The following EGFL6 variants were observed in gnomAD, a reference collection of about 807,000 sequenced individuals.
The protein encoded by EGFL6 is epidermal growth factor-like protein 6.
A neutral mutation model predicts 43.1 loss-of-function variants in EGFL6; 42 were observed. The observed-to-expected ratio is 0.98, with a 90% confidence interval of 0.76 to 1.26. The LOEUF is 1.26. Ranked by LOEUF, EGFL6 falls within the 50% of genes most tolerant of loss-of-function variation. The pLI is 0.00. For synonymous variants in EGFL6, 164 were observed against 163.2 expected (o/e 1.01, Z -0.04); for missense variants, 429 against 427.8 (o/e 1.00, Z -0.02).
intron 2 of EGFL6, among the ~76,000 whole-genome samples, chrX:13,590,719 C>T (rs766952373): frequency 3.6e-5 from 4 of 112,077 alleles, no homozygotes; most frequent in African/African-American, 1.3e-4. Flanking sequence ...ACATTGATAT[C>T]GTTCCCACAT....
chrX:13,600,286 T>C (rs1189862983), intron 4 of EGFL6, among the ~76,000 whole-genome samples, 192 bp downstream of exon 4: 6 of 80,799 alleles, frequency 7.4e-5, no homozygotes, highest in Non-Finnish European at 9.7e-5. Context: ...TCTTCTTTTT[T>C]TTTTTTTTTT....
intron 1 of EGFL6, among the ~76,000 whole-genome samples, chrX:13,581,099 A>G (rs1477611171): frequency 1.8e-5 from 2 of 112,041 alleles, no homozygotes; most frequent in Admixed American, 1.9e-4. Context: ...GACACTCCCC[A>G]TCCCCAATCT....
At chrX:13,601,413 A>G (rs2045633410) in intron 4 of EGFL6, among the ~76,000 whole-genome samples, 1 of 111,643 alleles carries the variant, frequency 9.0e-6, no homozygotes, top group Admixed American at 9.5e-5. Context: ...GTTCCAGTTG[A>G]AAGGGAAACC....
chrX:13,577,448 T>C (rs2045480598), intron 1 of EGFL6, among the ~76,000 whole-genome samples: 1 of 104,819 alleles, frequency 9.5e-6, no homozygotes, highest in South Asian at 4.0e-4. Context: ...TGTATATATA[T>C]ACATATTATA....
At chrX:13,588,318 T>C (rs1243835391) in intron 1 of EGFL6, among the ~76,000 whole-genome samples, 1 of 112,406 alleles carries the variant, frequency 8.9e-6, no homozygotes, top group East Asian at 2.8e-4. Context: ...TTCCCGACCT[T>C]GACTTAGATA....
At chrX:13,630,874 C>A (rs2045806962) in intron 11 of EGFL6, among the ~76,000 whole-genome samples, 1 of 112,193 alleles carries the variant, frequency 8.9e-6, no homozygotes, top group Non-Finnish European at 1.9e-5. Context: ...TGCATGATGG[C>A]ATTGTTGTGA....
Position 13,594,862 on chromosome X carries a change from G to A in EGFL6, c.214G>A (p.Gly72Ser), listed in dbSNP as rs1355079608. Reference protein sequence around the residue: ...EATCEPGCKFGECVGPNKCRC... With the variant: ...EATCEPGCKFSECVGPNKCRC... ...TACATGCGAACCTGGATGTAAGTTTGGTGAGTGCGTGGGACCAAACAAATG... is the reference window on the plus strand; with the variant it reads ...TACATGCGAACCTGGATGTAAGTTTAGTGAGTGCGTGGGACCAAACAAATG... The change falls in exon 3 of 12, where the codon GGT (glycine) becomes AGT (serine). Residue 72 changes from glycine to serine, a missense_variant. Transcript: ENST00000361306. The A allele has an allele frequency of 1.7e-6, 2 of 1,210,663 alleles. No homozygotes were observed. The highest frequency in any genetic ancestry group is 1.7e-5 in the African/African-American group (1 of 57,830).
intron 1 of EGFL6, among the ~76,000 whole-genome samples, chrX:13,573,790 C>T (rs1396165372): frequency 9.0e-6 from 1 of 111,387 alleles, no homozygotes; most frequent in Admixed American, 9.5e-5. Flanking sequence ...CAGTGTTGTC[C>T]CACTATTCCA....
Position 13,603,407 on chromosome X carries a change from G to A in EGFL6, c.491G>A (p.Arg164His), listed in dbSNP as rs775758381. 58 of 1,208,510 alleles carry A rather than the reference G, an allele frequency of 4.8e-5. No individual in the cohort carries two copies. Among genetic ancestry groups the A allele is most frequent in the South Asian group, 3.0e-4 (17 of 56,363 alleles). Reference protein sequence around the residue: ...PQCLCPSSGLRLAPNGRDCLD... With the variant: ...PQCLCPSSGLHLAPNGRDCLD... The stretch of plus-strand genomic sequence containing the variant: ...TGCCTGTGTCCATCCTCAGGACTCC[G>A]CCTGGCCCCAAATGGAAGAGACTGT... Residue 164 changes from arginine to histidine, a missense_variant, in exon 5 of 12, where the codon CGC (arginine) becomes CAC (histidine). Arg to His is a conservative substitution (Grantham distance 29). Transcript: ENST00000361306.
intron 2 of EGFL6, among the ~76,000 whole-genome samples, chrX:13,593,185 G>A (rs1021222521): frequency 9.0e-6 from 1 of 111,164 alleles, no homozygotes; most frequent in Non-Finnish European, 1.9e-5. Flanking sequence ...AAAGTGCTGG[G>A]ATTACAGGCT....
intron 5 of EGFL6, among the ~76,000 whole-genome samples, chrX:13,604,282 C>T (rs1342575108): frequency 1.8e-5 from 2 of 111,184 alleles, no homozygotes; most frequent in African/African-American, 6.5e-5. Flanking sequence ...AGGGAAGTAA[C>T]CCAGGGAAAG....
chrX:13,622,271 G>A (rs146281579), intron 9 of EGFL6, among the ~76,000 whole-genome samples: 1,235 of 112,222 alleles, frequency 0.011, 20 homozygotes, highest in African/African-American at 0.038. Flanking sequence ...AAGATGGAAG[G>A]TCCTGGATTG....
At chrX:13,609,954 C>T (rs756772546) in intron 7 of EGFL6, among the ~76,000 whole-genome samples, 2 of 110,776 alleles carry the variant, frequency 1.8e-5, no homozygotes, top group Non-Finnish European at 3.8e-5. Context: ...ATTCCATACA[C>T]CCATCTGGCC....
At chrX:13,627,689 G>A (rs180773715) in intron 11 of EGFL6, among the ~76,000 whole-genome samples, 3 of 112,016 alleles carry the variant, frequency 2.7e-5, no homozygotes, top group African/African-American at 9.7e-5. Flanking sequence ...GCTATTGTCA[G>A]TGTCCCCAGG....
At position 13,627,067 on chromosome X, in the gene EGFL6, C is replaced by G. The variant is rs778171871; in HGVS notation, c.1342C>G (p.Arg448Gly). ...ALAGHKKDIG[R>G]LKLLLPDLQP... ...GGCAGGTCACAAGAAAGACATTGGC[C>G]GATTGAAACTTCTCCTACCTGACCT... The change falls in exon 11 of 12, where the codon CGA becomes GGA. Residue 448 changes from arginine to glycine, a missense_variant. Physicochemically the swap from Arg to Gly is moderately radical, Grantham distance 125. Transcript: ENST00000361306. The G allele has an allele frequency of 8.3e-7, 1 of 1,211,947 alleles. No individual in the cohort carries two copies. Among genetic ancestry groups the G allele is most frequent in the Non-Finnish European group, 1.1e-6 (1 of 895,530 alleles).
Position 13,632,971 on chromosome X carries a change from C to T in EGFL6, c.1552-14C>T, listed in dbSNP as rs1423748003. 1 of 1,194,626 alleles carries T rather than the reference C, an allele frequency of 8.4e-7. No homozygotes were observed. Among genetic ancestry groups the T allele is most frequent in the South Asian group, 1.8e-5 (1 of 55,504 alleles). ...CAGTTTGGAGTAATTTTTTTATTCT[C>T]TCTCCATTATTAGATCATTTTTGAA... On this transcript the variant is annotated splice_polypyrimidine_tract_variant and intron_variant, in intron 11 of 11. Coordinates refer to ENST00000361306, the MANE Select transcript of EGFL6 (RefSeq NM_015507.4).
intron 6 of EGFL6, among the ~76,000 whole-genome samples, chrX:13,607,014 T>G (rs1273092891): frequency 4.5e-5 from 5 of 112,174 alleles, no homozygotes; most frequent in Non-Finnish European, 5.6e-5. Flanking sequence ...CTTTCAGCCC[T>G]TTCATAGTTC....
intron 4 of EGFL6, among the ~76,000 whole-genome samples, chrX:13,601,824 C>T (rs922139533): frequency 4.5e-5 from 5 of 111,521 alleles, no homozygotes; most frequent in Non-Finnish European, 3.8e-5. Flanking sequence ...AGAACCTCCT[C>T]CTCCCACCCC....
intron 1 of EGFL6, among the ~76,000 whole-genome samples, chrX:13,587,260 TAAAA>T (rs1366913073): frequency 1.8e-5 from 2 of 112,363 alleles, no homozygotes; most frequent in Non-Finnish European, 3.8e-5. Flanking sequence ...AATACTAAAG[TAAAA>T]AAATTATTAA....
Sources: allele counts gnomAD v4.1 joint callset (sites outside exome capture counted in the v4.1 genomes callset), GRCh38; gene constraint gnomAD v4.1.1; transcripts MANE v1.5; gene names NCBI Gene and HGNC (gene_info 2026-07-23, HGNC 2026-07-21).